The following RABGAP1L variants were observed in gnomAD, a reference collection of about 807,000 sequenced individuals.
RABGAP1L encodes rab GTPase-activating protein 1-like.
A neutral mutation model predicts 137.7 loss-of-function variants in RABGAP1L; 63 were observed. That is an observed-to-expected ratio of 0.46 (90% CI 0.37 to 0.56). The LOEUF is 0.56. Among genes scored for constraint, RABGAP1L ranks in the 20% least tolerant of loss-of-function variants. RABGAP1L has a pLI of 0.00. For synonymous variants in RABGAP1L, 431 were observed against 433.7 expected, an observed-to-expected ratio of 0.99 and a Z score of 0.08; for missense variants, 1,095 against 1,244.0, an observed-to-expected ratio of 0.88 and a Z score of 1.80.
chr1:174,982,367 G>A (rs1026488552), intron 23 of RABGAP1L, among the ~76,000 whole-genome samples: 14 of 152,050 alleles, frequency 9.2e-5, no homozygotes, highest in Non-Finnish European at 1.8e-4. Context: ...TCCCACTTAT[G>A]AGTGAGAACA....
intron 19 of RABGAP1L, among the ~76,000 whole-genome samples, chr1:174,906,036 G>A (rs890089636): frequency 6.6e-6 from 1 of 152,048 alleles, no homozygotes; most frequent in African/African-American, 2.4e-5. Flanking sequence ...CATTTCCTTT[G>A]AGACAGGATC....
intron 13 of RABGAP1L, among the ~76,000 whole-genome samples, chr1:174,453,976 T>C (rs1008281906): frequency 2.0e-5 from 3 of 152,026 alleles, no homozygotes; most frequent in African/African-American, 7.2e-5. Context: ...TTAAAAAGAA[T>C]GCTGAAGGCT....
intron 13 of RABGAP1L, among the ~76,000 whole-genome samples, chr1:174,533,819 C>T (rs529745295): frequency 5.9e-5 from 9 of 151,976 alleles, no homozygotes; most frequent in African/African-American, 1.4e-4. Flanking sequence ...TACAGGTGCC[C>T]GCCACCACAC....
chr1:174,561,832 T>C (rs910422148), intron 13 of RABGAP1L, among the ~76,000 whole-genome samples: 1 of 152,204 alleles, frequency 6.6e-6, no homozygotes, highest in African/African-American at 2.4e-5. Flanking sequence ...ACCCCTTCCT[T>C]ACACCTTATA....
At chr1:174,553,820 G>A (rs1022908625) in intron 13 of RABGAP1L, among the ~76,000 whole-genome samples, 2 of 152,072 alleles carry the variant, frequency 1.3e-5, no homozygotes, top group Admixed American at 6.6e-5. Flanking sequence ...GGGCAATATG[G>A]CGAAATCCCA....
intron 13 of RABGAP1L, among the ~76,000 whole-genome samples, chr1:174,396,964 C>T (rs914824959): frequency 1.8e-4 from 26 of 145,636 alleles, no homozygotes; most frequent in Admixed American, 7.7e-4. Context: ...CATAGTGAGA[C>T]GCTGTCTCTA....
chr1:174,289,376 C>T (rs1197558154), intron 10 of RABGAP1L, among the ~76,000 whole-genome samples: 2 of 152,104 alleles, frequency 1.3e-5, no homozygotes, highest in African/African-American at 4.8e-5. Context: ...CTTTGTTGAA[C>T]TTATTTTGTT....
intron 19 of RABGAP1L, chr1:174,935,275 TG>T (rs1664571755): frequency 1.3e-5 from 2 of 152,380 alleles, no homozygotes; most frequent in Non-Finnish European, 1.5e-5. Flanking sequence ...GCAAAATTTT[TG>T]TAAATATCTT....
At chr1:174,844,932 G>GTGACC (rs1693890585) in intron 19 of RABGAP1L, among the ~76,000 whole-genome samples, 1 of 121,422 alleles carries the variant, frequency 8.2e-6, no homozygotes, top group Non-Finnish European at 1.8e-5. Context: ...CCTTGAAGAG[G>GTGACC]TCCTTCACAT....
At chr1:174,914,113 T>TG (rs1237364038) in intron 19 of RABGAP1L, among the ~76,000 whole-genome samples, 5 of 152,216 alleles carry the variant, frequency 3.3e-5, no homozygotes, top group Admixed American at 2.0e-4. Flanking sequence ...AGTTAAGGGA[T>TG]GAACTCCATT....
intron 14 of RABGAP1L, among the ~76,000 whole-genome samples, chr1:174,676,476 A>G (rs1473697864): frequency 1.3e-5 from 2 of 152,228 alleles, no homozygotes; most frequent in East Asian, 3.8e-4. Flanking sequence ...GTGACAAAGC[A>G]AAAACAAAGC....
At chr1:174,614,871 G>A (rs916662866) in intron 13 of RABGAP1L, among the ~76,000 whole-genome samples, 23 of 152,056 alleles carry the variant, frequency 1.5e-4, no homozygotes, top group East Asian at 7.7e-4. Context: ...TGATCGTATC[G>A]GCTCCTGAGG....
intron 19 of RABGAP1L, among the ~76,000 whole-genome samples, chr1:174,862,370 C>G (rs542425536): frequency 7.9e-5 from 12 of 152,076 alleles, no homozygotes; most frequent in African/African-American, 2.4e-4. Flanking sequence ...AAAAACAGTA[C>G]TGTTAGAGAA....
chr1:174,927,257 T>C (rs934865271), intron 19 of RABGAP1L, among the ~76,000 whole-genome samples: 1 of 152,236 alleles, frequency 6.6e-6, no homozygotes, highest in Non-Finnish European at 1.5e-5. Context: ...TTTGCCAAGA[T>C]TTTTAATTAT....
chr1:174,732,906 A>T (rs1682610815), intron 17 of RABGAP1L, among the ~76,000 whole-genome samples: 1 of 152,056 alleles, frequency 6.6e-6, no homozygotes, highest in Non-Finnish European at 1.5e-5. Flanking sequence ...TGTTTGGGGG[A>T]CTTTAACATG....
chr1:174,508,858 T>A (rs936232149), intron 13 of RABGAP1L, among the ~76,000 whole-genome samples: 3 of 152,154 alleles, frequency 2.0e-5, no homozygotes, highest in Admixed American at 6.5e-5. Flanking sequence ...ATGCCTATTT[T>A]ATTGTTTCTG....
In RABGAP1L at chr1:174,448,144, C is replaced by T; in HGVS notation, c.1710+53999C>T. Reference sequence around the variant, plus strand: ...AATCCAGGTGGACTGAATGGAGGATCCTGAACATGAGCAGTGGCATTGTGA... The same window carrying T: ...AATCCAGGTGGACTGAATGGAGGATTCTGAACATGAGCAGTGGCATTGTGA... On this transcript the variant is annotated intron_variant, in intron 13 of 25. Transcript: ENST00000681986. This position sits in a 1 kb window ranked among gnomAD's most constrained non-coding sequence, Gnocchi z 4.2. The T allele has an allele frequency of 6.2e-7, 1 of 1,613,022 alleles. No homozygotes were observed. The highest frequency in any genetic ancestry group is 8.5e-7 in the Non-Finnish European group (1 of 1,179,186).
In RABGAP1L at chr1:174,448,985, G is replaced by A. The variant is rs923764378; in HGVS notation, c.1710+54840G>A. ...TTACTTTCTTCTAGAAAGCTCCCGG[G>A]TCTTGGACAATCCAACTCTGTCCTT... is the stretch of plus-strand genomic sequence containing the variant. On this transcript the variant is annotated intron_variant, in intron 13 of 25. Transcript: ENST00000681986. This position sits in a 1 kb window ranked among gnomAD's most constrained non-coding sequence, Gnocchi z 4.2. 7 of 1,613,500 alleles carry A rather than the reference G, an allele frequency of 4.3e-6. No homozygotes were observed. The highest frequency in any genetic ancestry group is 5.1e-6 in the Non-Finnish European group (6 of 1,179,586).
intron 19 of RABGAP1L, among the ~76,000 whole-genome samples, chr1:174,901,453 A>T (rs1374120021): frequency 2.0e-5 from 3 of 152,164 alleles, no homozygotes; most frequent in African/African-American, 7.2e-5. Flanking sequence ...TAAAACCATC[A>T]GATCTCATGA....
Sources: allele counts gnomAD v4.1 joint callset (sites outside exome capture counted in the v4.1 genomes callset), GRCh38; gene constraint gnomAD v4.1.1; non-coding constraint Gnocchi (gnomAD v3.1); transcripts MANE v1.5; gene names NCBI Gene and HGNC (gene_info 2026-07-23, HGNC 2026-07-21).